PLPPR1: variants seen among roughly 807,000 people sequenced by gnomAD.
The protein encoded by PLPPR1 is phospholipid phosphatase-related protein type 1.
In PLPPR1, 10 loss-of-function variants were observed where a neutral mutation model predicts 33.1. The observed-to-expected ratio is 0.30, with a 90% CI of 0.19 to 0.51. The LOEUF (loss-of-function observed/expected upper bound fraction) is 0.51, where lower values mean the gene tolerates loss of function less well. PLPPR1 is among the 20% of genes least tolerant of loss of function. The pLI is 0.97. For synonymous variants in PLPPR1, 151 were observed against 151.0 expected, an observed-to-expected ratio of 1.00 and a Z score of 0.00; for missense variants, 304 against 408.1, an observed-to-expected ratio of 0.74 and a Z score of 2.20.
intron 2 of PLPPR1, among the ~76,000 whole-genome samples, chr9:101,240,716 A>G (rs943499444): frequency 5.9e-5 from 9 of 151,998 alleles, no homozygotes; most frequent in Non-Finnish European, 1.0e-4. Flanking sequence ...TCAGACGAGG[A>G]TTTCCAATAA....
At position 101,324,145 on chromosome 9, in the gene PLPPR1, T is replaced by C; in HGVS notation, c.*88T>C. On this transcript the variant is annotated 3_prime_UTR_variant, in exon 8 of 8. Coordinates refer to ENST00000374874, the MANE Select transcript of PLPPR1 (RefSeq NM_207299.2). ...ACAGTTGCTCAATGTCAAACTGTGA[T>C]GACAAATATTACGTTTATCTAGTTA... 9.1e-7 allele frequency: 1 copy of C among 1,100,842 alleles called. No individual in the cohort carries two copies. The highest frequency in any genetic ancestry group is 1.4e-5 in the South Asian group (1 of 72,986). 68.2% of individuals were successfully genotyped at this position (1,100,842 alleles called of 1,614,324 possible). A position where few individuals can be genotyped will look rare whatever the true frequency, so the allele number is the denominator to read the frequency against.
At chr9:101,169,166 C>T (rs1356791764) in intron 1 of PLPPR1, among the ~76,000 whole-genome samples, 1 of 152,074 alleles carries the variant, frequency 6.6e-6, no homozygotes, top group Admixed American at 6.6e-5. Context: ...AATGTCTCAT[C>T]CCTTTTGGGG....
chr9:101,046,435 CTTTTTTTTTTT>C (rs527884198), intron 1 of PLPPR1, among the ~76,000 whole-genome samples: 1 of 116,782 alleles, frequency 8.6e-6, no homozygotes, highest in Non-Finnish European at 1.7e-5. Context: ...CTCTTTTATT[CTTTTTTTTTTT>C]TTTTTTTTTT....
chr9:101,312,863 A>G lies in PLPPR1; in HGVS notation c.702A>G (p.Gly234=). 1 of 1,614,148 alleles carries G rather than the reference A, an allele frequency of 6.2e-7. No individual in the cohort carries two copies. Among genetic ancestry groups the G allele is most frequent in the Non-Finnish European group, 8.5e-7 (1 of 1,180,018 alleles). ...SRLAKPVLCL[G]TLCTAFLTGL... is the part of the protein sequence containing the mutation. ...TGGCCAAGCCGGTGCTGTGCCTCGG[A>G]ACTCTCTGCACAGCCTTCCTGACAG... The change falls in exon 6 of 8, where the codon GGA becomes GGG. Residue 234 remains glycine, a synonymous_variant. Coordinates refer to ENST00000374874, the MANE Select transcript of PLPPR1 (RefSeq NM_207299.2).
intron 1 of PLPPR1, among the ~76,000 whole-genome samples, chr9:101,117,057 C>T (rs575246952): frequency 1.3e-5 from 2 of 152,170 alleles, no homozygotes; most frequent in East Asian, 3.9e-4. Context: ...GATGGATCTT[C>T]ATCCCTCTGC....
intron 1 of PLPPR1, among the ~76,000 whole-genome samples, chr9:101,112,159 C>CTAGTT (rs1209648003): frequency 6.6e-6 from 1 of 152,132 alleles, no homozygotes; most frequent in Non-Finnish European, 1.5e-5. Context: ...AGCTTAACAC[C>CTAGTT]TAGTTTGTCA....
chr9:101,108,228 A>G (rs1379769072), intron 1 of PLPPR1, among the ~76,000 whole-genome samples: 1 of 152,182 alleles, frequency 6.6e-6, no homozygotes, highest in African/African-American at 2.4e-5. Flanking sequence ...TGGAAATAAT[A>G]ATAATAATAA....
At chr9:101,066,634 C>A (rs1007493798) in intron 1 of PLPPR1, among the ~76,000 whole-genome samples, 5 of 152,064 alleles carry the variant, frequency 3.3e-5, no homozygotes, top group African/African-American at 1.2e-4. Context: ...CAAGTTGTTC[C>A]ATCCTTGGCC....
chr9:101,112,591 A>G (rs1431220074), intron 1 of PLPPR1, among the ~76,000 whole-genome samples: 1 of 152,180 alleles, frequency 6.6e-6, no homozygotes, highest in African/African-American at 2.4e-5. Flanking sequence ...TTCCCTCCAC[A>G]TGCAGAACCC....
chr9:101,126,693 C>T (rs1313203160), intron 1 of PLPPR1, among the ~76,000 whole-genome samples: 1 of 152,180 alleles, frequency 6.6e-6, no homozygotes, highest in African/African-American at 2.4e-5. Flanking sequence ...GGTGGCTATT[C>T]ACTTAATTCA....
chr9:101,180,516 A>G (rs1211039394), intron 1 of PLPPR1, among the ~76,000 whole-genome samples: 1 of 151,848 alleles, frequency 6.6e-6, no homozygotes. Context: ...CGAAAACAAC[A>G]TGGTCCTGGC....
chr9:101,139,657 C>A (rs1564155662), intron 1 of PLPPR1, among the ~76,000 whole-genome samples: 1 of 151,978 alleles, frequency 6.6e-6, no homozygotes, highest in Non-Finnish European at 1.5e-5. Context: ...GAGAGTGTTG[C>A]CATTATATTG....
chr9:101,030,961 G>A (rs573576450), intron 1 of PLPPR1, among the ~76,000 whole-genome samples: 9 of 151,882 alleles, frequency 5.9e-5, no homozygotes, highest in Non-Finnish European at 1.0e-4. Flanking sequence ...GAAGCAGGGG[G>A]TGGGGGGGAA....
intron 1 of PLPPR1, among the ~76,000 whole-genome samples, chr9:101,152,338 T>C (rs1228686189): frequency 6.6e-6 from 1 of 151,956 alleles, no homozygotes; most frequent in East Asian, 2.0e-4. Context: ...TTTTCTCCCA[T>C]TCTGTAGATT....
chr9:101,211,382 A>G (rs1826688797), intron 2 of PLPPR1, among the ~76,000 whole-genome samples: 1 of 152,174 alleles, frequency 6.6e-6, no homozygotes, highest in South Asian at 2.1e-4. Flanking sequence ...CAGAGAAAAC[A>G]TTGTCCAAAT....
chr9:101,230,465 A>G (rs1827159062), intron 2 of PLPPR1, among the ~76,000 whole-genome samples: 1 of 152,098 alleles, frequency 6.6e-6, no homozygotes, highest in Non-Finnish European at 1.5e-5. Context: ...TGCAAGAAAA[A>G]CTAGGTATGC....
At chr9:101,105,927 C>T (rs1239539681) in intron 1 of PLPPR1, among the ~76,000 whole-genome samples, 1 of 145,488 alleles carries the variant, frequency 6.9e-6, no homozygotes, top group East Asian at 2.1e-4. Flanking sequence ...CTCTTTTGAT[C>T]TTTGTTGGTT....
intron 1 of PLPPR1, among the ~76,000 whole-genome samples, chr9:101,171,972 C>T (rs553453474): frequency 7.0e-5 from 7 of 100,318 alleles, no homozygotes; most frequent in South Asian, 2.6e-4. Context: ...GTAACTCTCA[C>T]GTCTCATTCT....
At position 101,029,040 on chromosome 9, in the gene PLPPR1, T is replaced by A; in HGVS notation, c.-108T>A. 1 of 152,794 alleles carries A rather than the reference T, an allele frequency of 6.5e-6. No individual in the cohort carries two copies. Among genetic ancestry groups the A allele is most frequent in the African/African-American group, 2.4e-5 (1 of 41,590 alleles). The allele number at this position is 152,794 out of a possible 1,614,324, so 9.5% of individuals were successfully genotyped here. On this transcript the variant is annotated 5_prime_UTR_variant, in exon 1 of 8. Coordinates refer to ENST00000374874, the MANE Select transcript of PLPPR1 (RefSeq NM_207299.2). ...CGTGTCTCGGACCGCCGCCTGAATGTACCTCGCTCCCGGGAGCCGGACGGC... is the reference window on the plus strand; with the variant it reads ...CGTGTCTCGGACCGCCGCCTGAATGAACCTCGCTCCCGGGAGCCGGACGGC...
Sources: gnomAD v4.1 joint callset for allele counts (sites outside exome capture counted in the v4.1 genomes callset) on GRCh38, gnomAD v4.1.1 for gene constraint, MANE v1.5 for transcripts, NCBI Gene and HGNC (gene_info 2026-07-23, HGNC 2026-07-21) for gene names.